TBC1D8: variants seen among roughly 807,000 people sequenced by gnomAD.
TBC1D8 encodes BUB2-like protein 1.
In TBC1D8, 65 loss-of-function variants were observed where a neutral mutation model predicts 118.8. That is an observed-to-expected ratio of 0.55 (90% confidence interval 0.45 to 0.67). The LOEUF (loss-of-function observed/expected upper bound fraction) is 0.67. Ranked by LOEUF, TBC1D8 falls within the 30% of genes least tolerant of loss-of-function variation. The pLI is 0.00. For missense variants in TBC1D8, 1,376 were observed against 1,471.2 expected (o/e 0.94, Z 1.06); for synonymous variants, 566 against 595.8 (o/e 0.95, Z 0.73).
In TBC1D8 at chr2:101,054,212, G is replaced by A. The variant is rs947981470; in HGVS notation, c.527C>T (p.Thr176Ile). 1 of 1,612,476 alleles carries A rather than the reference G, an allele frequency of 6.2e-7. No individual in the cohort carries two copies. Among genetic ancestry groups the A allele is most frequent in the East Asian group, 2.2e-5 (1 of 44,866 alleles). The change falls in exon 4 of 20, where the codon ACC becomes ATC. Residue 176 changes from threonine to isoleucine, a missense_variant. Coordinates refer to ENST00000409318, the MANE Select transcript of TBC1D8 (RefSeq NM_001330348.2). ...CTTCCAACAGCAGCAGGAGTAGTAG[G>A]TGACCAGCTTCTCCGCCTCGGGGAA... is the stretch of plus-strand genomic sequence containing the variant. ...FNFPEAEKLVTYYSCCCWKGR... is the reference protein window; with the variant it reads ...FNFPEAEKLVIYYSCCCWKGR...
chr2:101,110,976 A>T (rs1469028015), intron 1 of TBC1D8, among the ~76,000 whole-genome samples: 1 of 119,074 alleles, frequency 8.4e-6, no homozygotes, highest in Non-Finnish European at 1.8e-5. Context: ...GCAAAACTCC[A>T]TCGCAAAAAA....
At chr2:101,056,280 T>C (rs1421516674) in intron 3 of TBC1D8, among the ~76,000 whole-genome samples, 2 of 151,564 alleles carry the variant, frequency 1.3e-5, no homozygotes, top group Non-Finnish European at 2.9e-5. Flanking sequence ...CTCGGCTCAC[T>C]GCAAGCTCTG....
Position 101,097,088 on chromosome 2 carries a change from A to G in TBC1D8, c.128-6724T>C, listed in dbSNP as rs139273432. Among the ~76,000 whole-genome samples, 1,220 of 152,312 alleles carry G rather than the reference A, an allele frequency of 8.0e-3. 19 individuals are homozygous for G. Among genetic ancestry groups the G allele is most frequent in the African/African-American group, 0.027 (1,133 of 41,570 alleles). ...TGTTCTAAAAGAAGCCATAGGGGGAAAAAACAGCTTGAGGAACAAAGATAA... is the reference window on the plus strand; with the variant it reads ...TGTTCTAAAAGAAGCCATAGGGGGAGAAAACAGCTTGAGGAACAAAGATAA... On this transcript the variant is annotated intron_variant, in intron 1 of 19. Coordinates refer to ENST00000409318, the MANE Select transcript of TBC1D8 (RefSeq NM_001330348.2).
intron 1 of TBC1D8, among the ~76,000 whole-genome samples, chr2:101,136,427 T>A (rs1678857859): frequency 6.6e-6 from 1 of 152,212 alleles, no homozygotes; most frequent in South Asian, 2.1e-4. Flanking sequence ...AGGACCATGA[T>A]TCTTGTACAG....
intron 1 of TBC1D8, among the ~76,000 whole-genome samples, chr2:101,110,980 CAAAAAA>C (rs10708630): frequency 2.3e-5 from 2 of 87,210 alleles, no homozygotes; most frequent in Non-Finnish European, 2.3e-5. Context: ...AACTCCATCG[CAAAAAA>C]AAAAAAAAAA....
intron 1 of TBC1D8, among the ~76,000 whole-genome samples, chr2:101,123,968 T>C (rs922958991): frequency 1.3e-5 from 2 of 152,056 alleles, no homozygotes; most frequent in Admixed American, 6.6e-5. Context: ...TAGGCAGGAG[T>C]GATTAAAACA....
chr2:101,084,322 G>A (rs1291088532), intron 2 of TBC1D8, among the ~76,000 whole-genome samples: 1 of 152,210 alleles, frequency 6.6e-6, no homozygotes, highest in Non-Finnish European at 1.5e-5. Context: ...GCAAAGGTGG[G>A]AGGATCACCT....
chr2:101,069,251 C>T (rs1464238589), intron 2 of TBC1D8, among the ~76,000 whole-genome samples: 1 of 151,492 alleles, frequency 6.6e-6, no homozygotes, highest in Non-Finnish European at 1.5e-5. Context: ...CAAGATCACG[C>T]CACTGCACTC....
intron 1 of TBC1D8, among the ~76,000 whole-genome samples, chr2:101,119,938 C>T (rs1678022130): frequency 1.3e-5 from 2 of 152,184 alleles, no homozygotes; most frequent in South Asian, 4.1e-4. Context: ...AATAGTCTCT[C>T]CTGCTGATGA....
At chr2:101,088,458 T>C (rs930408777) in intron 2 of TBC1D8, among the ~76,000 whole-genome samples, 8 of 152,094 alleles carry the variant, frequency 5.3e-5, no homozygotes, top group Non-Finnish European at 1.2e-4. Context: ...CAGCTAATTT[T>C]TGTATTTTTA....
chr2:101,015,420 C>A (rs2105367190), intron 17 of TBC1D8, among the ~76,000 whole-genome samples: 1 of 152,164 alleles, frequency 6.6e-6, no homozygotes, highest in Admixed American at 6.5e-5. Flanking sequence ...TAAAAATATT[C>A]TTCTTCATCT....
At chr2:101,142,690 T>C (rs1679159983) in intron 1 of TBC1D8, among the ~76,000 whole-genome samples, 1 of 152,200 alleles carries the variant, frequency 6.6e-6, no homozygotes, top group Non-Finnish European at 1.5e-5. Context: ...AAGTATATTT[T>C]GTAATAAAGT....
intron 11 of TBC1D8, 68 bp from the exon 12 acceptor site, chr2:101,029,844 A>C (rs1680569676): frequency 6.6e-7 from 1 of 1,508,188 alleles, no homozygotes; most frequent in Admixed American, 2.0e-5. Flanking sequence ...TCTGAAATTA[A>C]AATCACTCTG....
chr2:101,083,601 G>A, intron 2 of TBC1D8, among the ~76,000 whole-genome samples: 1 of 152,124 alleles, frequency 6.6e-6, no homozygotes, highest in East Asian at 1.9e-4. Context: ...CACCCATGAA[G>A]TTATCTACCT....
chr2:101,022,379 C>G lies in TBC1D8; in HGVS notation c.2663G>C (p.Cys888Ser). ...GGCGAGGATCTCCGTGTGGGCCCCGCAGGTCCAGGGCGAGACTAGCTGAAA... is the reference window on the plus strand; with the variant it reads ...GGCGAGGATCTCCGTGTGGGCCCCGGAGGTCCAGGGCGAGACTAGCTGAAA... ...HLFQLVSPWT[C>S]GAHTEILAER... Residue 888 changes from cysteine (C) to serine (S), a missense_variant, in exon 16 of 20, where the codon TGC (cysteine) becomes TCC (serine). By Grantham distance (112) the Cys-to-Ser change is moderately radical. Transcript: ENST00000409318. The G allele has an allele frequency of 6.2e-7, 1 of 1,613,578 alleles. No individual in the cohort carries two copies. Among genetic ancestry groups the G allele is most frequent in the South Asian group, 1.1e-5 (1 of 91,060 alleles).
chr2:101,015,438 TA>T (rs1679555298), intron 17 of TBC1D8, among the ~76,000 whole-genome samples: 1 of 152,212 alleles, frequency 6.6e-6, no homozygotes, highest in South Asian at 2.1e-4. Context: ...TCTTCAATAA[TA>T]AATTAACCTC....
chr2:101,016,167 C>G (rs1679618945), intron 17 of TBC1D8, among the ~76,000 whole-genome samples: 1 of 152,184 alleles, frequency 6.6e-6, no homozygotes, highest in Non-Finnish European at 1.5e-5. Context: ...TTTTCGCAAC[C>G]TACTCATCTG....
intron 2 of TBC1D8, among the ~76,000 whole-genome samples, chr2:101,070,463 A>AACAGATATT (rs1683251513): frequency 6.7e-6 from 1 of 149,194 alleles, no homozygotes; most frequent in Non-Finnish European, 1.5e-5. Context: ...CCCAGGCTGG[A>AACAGATATT]GTGCAGTGGC....
intron 1 of TBC1D8, among the ~76,000 whole-genome samples, chr2:101,104,050 T>C (rs978653286): frequency 2.0e-5 from 3 of 151,902 alleles, no homozygotes; most frequent in Admixed American, 6.6e-5. Flanking sequence ...ATACCAGCAA[T>C]TGGAACAACT....
Sources: gnomAD v4.1 joint callset for allele counts (sites outside exome capture counted in the v4.1 genomes callset) on GRCh38, gnomAD v4.1.1 for gene constraint, MANE v1.5 for transcripts, NCBI Gene and HGNC (gene_info 2026-07-23, HGNC 2026-07-21) for gene names.